The following KCND2 variants were observed in gnomAD, a reference collection of about 807,000 sequenced individuals.
The protein encoded by KCND2 is potassium voltage-gated channel subfamily D member 2, also known as A-type voltage-gated potassium channel KCND2.
Under a neutral mutation model 54.4 loss-of-function variants are expected in KCND2, and 16 were observed. The ratio of observed to expected loss-of-function variants is 0.29; its 90% CI spans 0.20 to 0.45. The LOEUF is 0.45. Ranked by LOEUF, KCND2 falls within the 20% of genes least tolerant of loss-of-function variation. The pLI, the probability that KCND2 is intolerant of heterozygous loss-of-function variation, is 1.00. For missense variants in KCND2, 486 were observed against 824.2 expected, an observed-to-expected ratio of 0.59 and a Z score of 5.02; for synonymous variants, 317 against 310.7, an observed-to-expected ratio of 1.02 and a Z score of -0.21.
At chr7:120,310,470 G>A (rs979731872) in intron 1 of KCND2, among the ~76,000 whole-genome samples, 1 of 151,696 alleles carries the variant, frequency 6.6e-6, no homozygotes, top group East Asian at 1.9e-4. Flanking sequence ...ACTATAATTT[G>A]CAAAATACTT....
chr7:120,341,324 A>C (rs1800236715), intron 1 of KCND2, among the ~76,000 whole-genome samples: 1 of 152,198 alleles, frequency 6.6e-6, no homozygotes, highest in African/African-American at 2.4e-5. Context: ...ACAATTTGTC[A>C]AATTGAATTT....
chr7:120,278,311 T>C (rs184213645), intron 1 of KCND2, among the ~76,000 whole-genome samples: 134 of 151,970 alleles, frequency 8.8e-4, no homozygotes, highest in Non-Finnish European at 7.4e-5. Context: ...GCTGTAGTTC[T>C]ATACTTAGAG....
At chr7:120,610,202 A>C (rs1183193224) in intron 1 of KCND2, among the ~76,000 whole-genome samples, 1 of 152,148 alleles carries the variant, frequency 6.6e-6, no homozygotes, top group Non-Finnish European at 1.5e-5. Flanking sequence ...AAAGCAGGTG[A>C]GGCAGACCTC....
intron 1 of KCND2, among the ~76,000 whole-genome samples, chr7:120,614,379 T>C (rs1488619799): frequency 6.6e-6 from 1 of 152,216 alleles, no homozygotes; most frequent in African/African-American, 2.4e-5. Flanking sequence ...CACAGAGAAC[T>C]CCAATGAAGA....
intron 1 of KCND2, among the ~76,000 whole-genome samples, chr7:120,696,050 A>G (rs1199682296): frequency 6.6e-6 from 1 of 152,194 alleles, no homozygotes; most frequent in Non-Finnish European, 1.5e-5. Flanking sequence ...GGGAACATCA[A>G]ACAAGGCAGC....
chr7:120,394,361 T>A (rs76879466), intron 1 of KCND2, among the ~76,000 whole-genome samples: 4,154 of 152,012 alleles, frequency 0.027, 175 homozygotes, highest in African/African-American at 0.091. Flanking sequence ...ACAAGACTAG[T>A]TGAGTCGTGA....
intron 1 of KCND2, among the ~76,000 whole-genome samples, chr7:120,601,208 C>T (rs745393278): frequency 5.9e-5 from 9 of 152,004 alleles, no homozygotes; most frequent in Non-Finnish European, 1.3e-4. Flanking sequence ...ATATTGTAAA[C>T]ACCTTAGGAG....
At chr7:120,561,303 G>T (rs145059613) in intron 1 of KCND2, among the ~76,000 whole-genome samples, 144 of 152,256 alleles carry the variant, frequency 9.5e-4, no homozygotes, top group Middle Eastern at 6.8e-3. Context: ...GAGATGAGTA[G>T]AAAATATGGT....
intron 1 of KCND2, among the ~76,000 whole-genome samples, chr7:120,378,527 G>A (rs17324055): frequency 0.1 from 15,516 of 151,776 alleles, 836 homozygotes; most frequent in Admixed American, 0.13. Flanking sequence ...CTACTGTATC[G>A]GATTTTAAGT....
chr7:120,276,008 A>T (rs1309308467), intron 1 of KCND2, among the ~76,000 whole-genome samples: 1 of 152,196 alleles, frequency 6.6e-6, no homozygotes, highest in Non-Finnish European at 1.5e-5. Flanking sequence ...TCCTGAATAT[A>T]TGAAAGTAGT....
chr7:120,315,398 CGGTTAAGCCCTAA>C (rs1223452241), intron 1 of KCND2, among the ~76,000 whole-genome samples: 1 of 152,116 alleles, frequency 6.6e-6, no homozygotes, highest in Non-Finnish European at 1.5e-5. Context: ...TGTCTCTAGG[CGGTTAAGCCCTAA>C]GGGTATCTTT....
At chr7:120,662,516 A>G (rs1269037395) in intron 1 of KCND2, among the ~76,000 whole-genome samples, 2 of 152,182 alleles carry the variant, frequency 1.3e-5, no homozygotes, top group African/African-American at 4.8e-5. Context: ...TCTCTATTGC[A>G]TGTCTCTGCA....
intron 1 of KCND2, among the ~76,000 whole-genome samples, chr7:120,391,269 A>G (rs1584759027): frequency 6.6e-6 from 1 of 152,088 alleles, no homozygotes; most frequent in South Asian, 2.1e-4. Context: ...ATGGCTGCAC[A>G]GATTCCTTGG....
chr7:120,427,809 AC>A (rs1801734166), intron 1 of KCND2, among the ~76,000 whole-genome samples: 1 of 152,192 alleles, frequency 6.6e-6, no homozygotes. Flanking sequence ...ATCTAAATTG[AC>A]AAAAATGCCT....
chr7:120,740,732 A>C, intron 2 of KCND2: 2 of 387,354 alleles, frequency 5.2e-6, no homozygotes, highest in Middle Eastern at 7.2e-4. Context: ...TTCTCTACAG[A>C]CACACACACA....
In KCND2 at chr7:120,430,090, C is replaced by T. The variant is rs138245000; in HGVS notation, c.1115+154343C>T. On this transcript the variant is annotated intron_variant, in intron 1 of 5. Transcript: ENST00000331113. The stretch of plus-strand genomic sequence containing the variant: ...TTTCTTAGAGTCTGCATAAAAAGTA[C>T]AACAGCCTGGGAGGGTTAAACAACA... Among the ~76,000 whole-genome samples the T allele has an allele frequency of 6.6e-5, 10 of 152,262 alleles. No individual in the cohort carries two copies. In the East Asian group the frequency reaches 1.9e-3, roughly 29 times the overall value.
intron 1 of KCND2, among the ~76,000 whole-genome samples, chr7:120,433,971 T>G (rs1801830553): frequency 6.6e-6 from 1 of 152,222 alleles, no homozygotes; most frequent in African/African-American, 2.4e-5. Flanking sequence ...TCTTTGTACC[T>G]CCTTGCAATT....
chr7:120,306,035 A>G (rs1799648222), intron 1 of KCND2, among the ~76,000 whole-genome samples: 2 of 152,140 alleles, frequency 1.3e-5, no homozygotes, highest in African/African-American at 4.8e-5. Context: ...TTCAGATAAC[A>G]TAGGTAAAAT....
chr7:120,685,185 T>C (rs112512099), intron 1 of KCND2, among the ~76,000 whole-genome samples: 172 of 152,268 alleles, frequency 1.1e-3, no homozygotes, highest in African/African-American at 3.9e-3. Flanking sequence ...TGAGTGCTGA[T>C]AAAGTTGGAA....
Sources: allele counts gnomAD v4.1 joint callset (sites outside exome capture counted in the v4.1 genomes callset), GRCh38; gene constraint gnomAD v4.1.1; transcripts MANE v1.5; gene names NCBI Gene and HGNC (gene_info 2026-07-23, HGNC 2026-07-21).